ZFPM2: variants seen among roughly 807,000 people sequenced by gnomAD.
ZFPM2 encodes the protein zinc finger protein ZFPM2.
ZFPM2 carries 20 observed loss-of-function variants against 98.6 expected under a neutral mutation model. That is an observed-to-expected ratio of 0.20 (90% confidence interval 0.14 to 0.29). The LOEUF (loss-of-function observed/expected upper bound fraction) is 0.29. ZFPM2 is among the 10% of genes least tolerant of loss of function. ZFPM2 has a pLI of 1.00. For synonymous variants in ZFPM2, 518 were observed against 502.7 expected (o/e 1.03, Z -0.41); for missense variants, 1,310 against 1,388.6 (o/e 0.94, Z 0.90).
intron 2 of ZFPM2, among the ~76,000 whole-genome samples, chr8:105,422,948 G>A (rs1209385093): frequency 1.3e-5 from 2 of 152,030 alleles, no homozygotes; most frequent in African/African-American, 4.8e-5. Flanking sequence ...TATTATACAG[G>A]ATATTTTCAG....
At chr8:105,739,975 C>G (rs1812175753) in intron 5 of ZFPM2, among the ~76,000 whole-genome samples, 1 of 151,936 alleles carries the variant, frequency 6.6e-6, no homozygotes, top group Non-Finnish European at 1.5e-5. Context: ...GTATCCTTAC[C>G]TAACCTCAGA....
At chr8:105,575,088 T>G (rs565242265) in intron 4 of ZFPM2, among the ~76,000 whole-genome samples, 5 of 152,218 alleles carry the variant, frequency 3.3e-5, no homozygotes, top group Middle Eastern at 3.4e-3. Context: ...TGACAACTCT[T>G]CAAAGGAGGC....
intron 5 of ZFPM2, among the ~76,000 whole-genome samples, chr8:105,707,877 AG>A (rs1462265351): frequency 6.6e-6 from 1 of 152,218 alleles, no homozygotes; most frequent in Non-Finnish European, 1.5e-5. Flanking sequence ...ATGGACATTC[AG>A]GTTATAACTC....
intron 4 of ZFPM2, among the ~76,000 whole-genome samples, chr8:105,570,729 A>G (rs1045840568): frequency 2.6e-5 from 4 of 152,058 alleles, no homozygotes; most frequent in African/African-American, 9.7e-5. Context: ...GGTTCTTTAC[A>G]TTTGGACTTG....
At position 105,802,661 on chromosome 8, in the gene ZFPM2, A is replaced by C. The variant is rs1814068343; in HGVS notation, c.2579A>C (p.Lys860Thr). 1 of 1,611,232 alleles carries C rather than the reference A, an allele frequency of 6.2e-7. No individual in the cohort carries two copies. The highest frequency in any genetic ancestry group is 1.3e-5 in the African/African-American group (1 of 74,904). Residue 860 changes from lysine (K) to threonine (T), a missense_variant, in exon 8 of 8, where the codon AAG becomes ACG. Physicochemically the swap from Lys to Thr is moderately conservative, Grantham distance 78. Coordinates refer to ENST00000407775, the MANE Select transcript of ZFPM2 (RefSeq NM_012082.4). ...LLDYHECTVC[K>T]ISFNKVENYL... ...GACTATCACGAGTGCACTGTGTGCAAGATCAGTTTCAATAAGGTAGAAAAC... is the reference window on the plus strand; with the variant it reads ...GACTATCACGAGTGCACTGTGTGCACGATCAGTTTCAATAAGGTAGAAAAC...
At chr8:105,792,496 A>T (rs996625342) in intron 6 of ZFPM2, among the ~76,000 whole-genome samples, 1 of 152,046 alleles carries the variant, frequency 6.6e-6, no homozygotes, top group African/African-American at 2.4e-5. Context: ...TGCTGAGTAG[A>T]GCTTTACTTC....
At chr8:105,751,442 A>T (rs763056207) in intron 5 of ZFPM2, among the ~76,000 whole-genome samples, 4 of 152,044 alleles carry the variant, frequency 2.6e-5, no homozygotes, top group Non-Finnish European at 4.4e-5. Context: ...TTCCTGGGAA[A>T]ACTAAAATGA....
chr8:105,367,065 T>C (rs1026872884), intron 1 of ZFPM2, among the ~76,000 whole-genome samples: 1 of 129,164 alleles, frequency 7.7e-6, no homozygotes, highest in Non-Finnish European at 1.6e-5. Context: ...GAGGGCTCTG[T>C]TCTGTTCCAT....
chr8:105,561,039 A>G (rs1273965246), intron 3 of ZFPM2, among the ~76,000 whole-genome samples: 1 of 152,066 alleles, frequency 6.6e-6, no homozygotes, highest in Non-Finnish European at 1.5e-5. Context: ...TTTCTTGTCT[A>G]CCTGTTTTGG....
intron 1 of ZFPM2, among the ~76,000 whole-genome samples, chr8:105,335,970 G>A (rs1170280410): frequency 6.6e-6 from 1 of 151,826 alleles, no homozygotes; most frequent in Non-Finnish European, 1.5e-5. Flanking sequence ...ACTTGAAAAT[G>A]AGGATGTAGG....
chr8:105,566,012 T>C (rs1183833196), intron 4 of ZFPM2, among the ~76,000 whole-genome samples: 3 of 152,162 alleles, frequency 2.0e-5, no homozygotes, highest in Non-Finnish European at 4.4e-5. Context: ...CAGATGAAGT[T>C]CGATAGCGGT....
At chr8:105,435,642 C>T (rs1231106874) in intron 2 of ZFPM2, among the ~76,000 whole-genome samples, 1 of 151,648 alleles carries the variant, frequency 6.6e-6, no homozygotes, top group East Asian at 1.9e-4. Context: ...CGATTTCAAA[C>T]ATAGAATCAA....
At chr8:105,553,219 T>A (rs1359460826) in intron 3 of ZFPM2, among the ~76,000 whole-genome samples, 1 of 152,134 alleles carries the variant, frequency 6.6e-6, no homozygotes. Flanking sequence ...AAAATGACAA[T>A]TGGAAAGTTT....
intron 5 of ZFPM2, among the ~76,000 whole-genome samples, chr8:105,701,664 G>T (rs144575808): frequency 6.6e-6 from 1 of 152,070 alleles, no homozygotes; most frequent in Non-Finnish European, 1.5e-5. Context: ...ATAATTTAAC[G>T]TTACAAAATA....
intron 1 of ZFPM2, among the ~76,000 whole-genome samples, chr8:105,416,406 C>A (rs1811680485): frequency 1.3e-5 from 2 of 151,660 alleles, no homozygotes; most frequent in Admixed American, 1.3e-4. Context: ...TCTAGAATTT[C>A]ATTTTGTAAA....
intron 1 of ZFPM2, among the ~76,000 whole-genome samples, chr8:105,363,213 T>C (rs1810440999): frequency 6.6e-6 from 1 of 152,192 alleles, no homozygotes; most frequent in African/African-American, 2.4e-5. Context: ...TTTGTCTCCA[T>C]TTCATCTATG....
intron 4 of ZFPM2, among the ~76,000 whole-genome samples, chr8:105,609,960 AC>A (rs1290498013): frequency 1.3e-5 from 2 of 152,102 alleles, no homozygotes; most frequent in Non-Finnish European, 2.9e-5. Context: ...TGAGGCAGCC[AC>A]CCCACTCAGC....
chr8:105,559,892 C>T (rs546917377), intron 3 of ZFPM2, among the ~76,000 whole-genome samples: 1 of 152,146 alleles, frequency 6.6e-6, no homozygotes, highest in Admixed American at 6.5e-5. Flanking sequence ...TGTTACCTGT[C>T]ATGACATATA....
rs575022123 is a variant in ZFPM2 at position 105,460,045 on chromosome 8, C to T, written c.301+15664C>T. Reference sequence around the variant, plus strand: ...ACCCTCTGGTACCAGATAGCATTCCCTGGGGTCCTGCTCTGGGAAAGAATG... The same window carrying T: ...ACCCTCTGGTACCAGATAGCATTCCTTGGGGTCCTGCTCTGGGAAAGAATG... On this transcript the variant is annotated intron_variant, in intron 3 of 7. Coordinates refer to ENST00000407775, the MANE Select transcript of ZFPM2 (RefSeq NM_012082.4). Among the ~76,000 whole-genome samples the T allele has an allele frequency of 2.0e-5, 3 of 152,244 alleles. No homozygotes were observed. In the South Asian group the frequency reaches 6.2e-4, roughly 32 times the overall value.
Sources: allele counts gnomAD v4.1 joint callset (sites outside exome capture counted in the v4.1 genomes callset), GRCh38; gene constraint gnomAD v4.1.1; transcripts MANE v1.5; gene names NCBI Gene and HGNC (gene_info 2026-07-23, HGNC 2026-07-21).